ADGRL2: variants seen among roughly 807,000 people sequenced by gnomAD.
The protein encoded by ADGRL2 is adhesion G protein-coupled receptor L2, also known as calcium-independent alpha-latrotoxin receptor 2.
ADGRL2 carries 44 observed loss-of-function variants against 157.4 expected under a neutral mutation model. The observed-to-expected ratio is 0.28, with a 90% CI of 0.22 to 0.36. The LOEUF is 0.36. Among genes scored for constraint, ADGRL2 ranks in the 10% least tolerant of loss-of-function variants. The pLI, the probability that ADGRL2 is intolerant of heterozygous loss-of-function variation, is 1.00. For missense variants in ADGRL2, 1,510 were observed against 1,768.9 expected (o/e 0.85, Z 2.63); for synonymous variants, 585 against 624.7 (o/e 0.94, Z 0.95).
At chr1:81,714,753 T>C (rs761520447) in intron 1 of ADGRL2, among the ~76,000 whole-genome samples, 8 of 152,156 alleles carry the variant, frequency 5.3e-5, no homozygotes, top group Non-Finnish European at 1.2e-4. Flanking sequence ...TAGCTCCTAT[T>C]TCAGAAATAA....
At chr1:81,632,674 G>T (rs2082034499) in intron 3 of ADGRL2, among the ~76,000 whole-genome samples, 2 of 151,882 alleles carry the variant, frequency 1.3e-5, no homozygotes, top group Non-Finnish European at 2.9e-5. Context: ...CAGGAGAATA[G>T]CGTGAACCCG....
intron 1 of ADGRL2, among the ~76,000 whole-genome samples, chr1:81,365,383 T>C (rs774746306): frequency 4.8e-4 from 73 of 151,728 alleles, no homozygotes; most frequent in Middle Eastern, 3.6e-3. Flanking sequence ...GGAAACCTAA[T>C]CTTGTATTGC....
intron 2 of ADGRL2, among the ~76,000 whole-genome samples, chr1:81,450,870 T>TC (rs2077690794): frequency 6.6e-6 from 1 of 151,730 alleles, no homozygotes; most frequent in Non-Finnish European, 1.5e-5. Flanking sequence ...TGACTTAGAG[T>TC]CCCCCCAAAG....
At position 81,553,239 on chromosome 1, in the gene ADGRL2, A is replaced by G. The variant is rs190208817; in HGVS notation, c.-247-27637A>G. The stretch of plus-strand genomic sequence containing the variant: ...AATCTTGATCCACTATGCCATTTAT[A>G]TCTGCATATAATAAAGATTAGATTA... On this transcript the variant is annotated intron_variant, in intron 2 of 24. Coordinates refer to the ADGRL2 transcript ENST00000370721. Among the ~76,000 whole-genome samples, 111 of 152,318 alleles carry G rather than the reference A, an allele frequency of 7.3e-4. 2 individuals carry two copies. Among genetic ancestry groups the G allele is most frequent in the East Asian group, 3.9e-4 (2 of 5,180 alleles).
intron 2 of ADGRL2, among the ~76,000 whole-genome samples, chr1:81,504,627 T>G (rs2078929883): frequency 6.6e-6 from 1 of 152,068 alleles, no homozygotes; most frequent in African/African-American, 2.4e-5. Flanking sequence ...GGTGGAGGCA[T>G]GCAGGGGAGA....
intron 2 of ADGRL2, among the ~76,000 whole-genome samples, chr1:81,768,486 T>TTG (rs1448904991): frequency 6.6e-6 from 1 of 151,640 alleles, no homozygotes; most frequent in Non-Finnish European, 1.5e-5. Context: ...CCTCTTTTTT[T>TTG]TTTTTTGAGA....
chr1:81,314,577 T>G (rs1659980608), intron 1 of ADGRL2, among the ~76,000 whole-genome samples: 1 of 152,196 alleles, frequency 6.6e-6, no homozygotes, highest in South Asian at 2.1e-4. Context: ...CATCCAATTC[T>G]CAACACAAAC....
intron 2 of ADGRL2, among the ~76,000 whole-genome samples, chr1:81,468,652 A>G (rs2101852395): frequency 6.6e-6 from 1 of 152,336 alleles, no homozygotes. Context: ...GGATGATAGC[A>G]TAAATTCAAT....
intron 1 of ADGRL2, among the ~76,000 whole-genome samples, chr1:81,420,083 G>T (rs570792606): frequency 2.8e-4 from 43 of 151,932 alleles, no homozygotes; most frequent in African/African-American, 1.0e-3. Flanking sequence ...AGGAAAATCA[G>T]AAAAAAATAG....
At chr1:81,499,458 G>T (rs1016829516) in intron 2 of ADGRL2, among the ~76,000 whole-genome samples, 2 of 152,212 alleles carry the variant, frequency 1.3e-5, no homozygotes, top group African/African-American at 4.8e-5. Flanking sequence ...GATAGAATGG[G>T]ACTTGAACCC....
intron 1 of ADGRL2, among the ~76,000 whole-genome samples, chr1:81,749,226 G>A (rs1358266611): frequency 1.3e-5 from 2 of 151,880 alleles, no homozygotes; most frequent in African/African-American, 2.4e-5. Flanking sequence ...CTTACAAAAT[G>A]ATTTAGACAG....
At chr1:81,490,043 G>A (rs1001148671) in intron 2 of ADGRL2, among the ~76,000 whole-genome samples, 1 of 151,696 alleles carries the variant, frequency 6.6e-6, no homozygotes, top group Non-Finnish European at 1.5e-5. Context: ...GTAAATATGT[G>A]GTCAATTATA....
chr1:81,836,895 C>A lies in ADGRL2; in HGVS notation c.-90C>A. ...TTGTTTGTTTTTCAGATATGAAGAT[C>A]AATGATGCAGACTGATGGTTTTGAT... On this transcript the variant is annotated 5_prime_UTR_variant, in exon 2 of 24. Coordinates refer to ENST00000686636, the MANE Select transcript of ADGRL2 (RefSeq NM_001366006.2). The A allele has an allele frequency of 2.8e-6, 2 of 715,156 alleles. No homozygotes were observed. The highest frequency in any genetic ancestry group is 4.8e-6 in the Non-Finnish European group (2 of 420,410). 44.3% of individuals were successfully genotyped at this position (715,156 alleles called of 1,614,324 possible).
intron 2 of ADGRL2, among the ~76,000 whole-genome samples, chr1:81,540,481 G>T (rs770514425): frequency 6.6e-6 from 1 of 152,166 alleles, no homozygotes; most frequent in Non-Finnish European, 1.5e-5. Context: ...CATAGCAAGT[G>T]CTTGAAGGAA....
At chr1:81,792,001 T>G (rs562734113) in intron 2 of ADGRL2, among the ~76,000 whole-genome samples, 1 of 152,300 alleles carries the variant, frequency 6.6e-6, no homozygotes, top group South Asian at 2.1e-4. Flanking sequence ...TATAAATAGT[T>G]TTGTATATTC....
At chr1:81,503,552 A>C in intron 2 of ADGRL2, 1 of 1,493,464 alleles carries the variant, frequency 6.7e-7, no homozygotes, top group South Asian at 1.2e-5. Flanking sequence ...CATCTCACGG[A>C]GCCCACGTCG....
At chr1:81,681,274 C>T (rs528547458) in intron 3 of ADGRL2, among the ~76,000 whole-genome samples, 1 of 152,350 alleles carries the variant, frequency 6.6e-6, no homozygotes, top group Admixed American at 6.5e-5. Context: ...GCATGTGCTT[C>T]TCATTCTTCT....
intron 3 of ADGRL2, among the ~76,000 whole-genome samples, chr1:81,670,789 A>C (rs1278181035): frequency 3.9e-5 from 6 of 152,228 alleles, no homozygotes; most frequent in African/African-American, 1.4e-4. Flanking sequence ...ATCTTGGGTC[A>C]CTGCAGCCTT....
At chr1:81,456,723 A>C (rs895074909) in intron 2 of ADGRL2, among the ~76,000 whole-genome samples, 2 of 150,026 alleles carry the variant, frequency 1.3e-5, no homozygotes, top group Non-Finnish European at 2.9e-5. Context: ...AGGCAGTTTT[A>C]TTACAGGTGG....
Sources: allele counts gnomAD v4.1 joint callset (sites outside exome capture counted in the v4.1 genomes callset), GRCh38; gene constraint gnomAD v4.1.1; transcripts MANE v1.5; gene names NCBI Gene and HGNC (gene_info 2026-07-23, HGNC 2026-07-21).